Variants in OTOGL observed in about 807,000 individuals in gnomAD.
OTOGL encodes otogelin-like protein.
OTOGL carries 285 observed loss-of-function variants against 318.5 expected under a neutral mutation model. The observed-to-expected ratio is 0.89, with a 90% CI of 0.81 to 0.99. The LOEUF (loss-of-function observed/expected upper bound fraction) is 0.99. OTOGL is among the 50% of genes least tolerant of loss of function. The pLI is 0.00. For missense variants in OTOGL, 2,899 were observed against 2,845.6 expected, an observed-to-expected ratio of 1.02 and a Z score of -0.43; for synonymous variants, 987 against 936.5, an observed-to-expected ratio of 1.05 and a Z score of -0.99.
At chr12:80,374,268 C>G (rs1891058532) in intron 57 of OTOGL, among the ~76,000 whole-genome samples, 1 of 152,036 alleles carries the variant, frequency 6.6e-6, no homozygotes, top group South Asian at 2.1e-4. Context: ...CAGATTTCCA[C>G]TTTTTACATG....
chr12:80,283,735 C>T (rs1405569281), intron 26 of OTOGL, among the ~76,000 whole-genome samples: 1 of 152,024 alleles, frequency 6.6e-6, no homozygotes, highest in Non-Finnish European at 1.5e-5. Flanking sequence ...CATACACGAG[C>T]TTTCAATGTG....
chr12:80,310,214 T>C (rs760980782), intron 29 of OTOGL, among the ~76,000 whole-genome samples: 2 of 152,172 alleles, frequency 1.3e-5, no homozygotes, highest in East Asian at 3.9e-4. Context: ...AGAGGCCAAA[T>C]TGCTGCATGT....
At chr12:80,237,391 G>A (rs1879961252) in intron 9 of OTOGL, among the ~76,000 whole-genome samples, 4 of 152,162 alleles carry the variant, frequency 2.6e-5, no homozygotes, top group Admixed American at 2.6e-4. Context: ...GATGGAGCAA[G>A]TGTGTGATTG....
In OTOGL at chr12:80,378,073, A is replaced by G. The variant is rs371888130; in HGVS notation, c.*25A>G. On this transcript the variant is annotated 3_prime_UTR_variant, in exon 59 of 59. Coordinates refer to ENST00000547103, the MANE Select transcript of OTOGL (RefSeq NM_001378609.3). ...AACCCTTGGGTTCCAAGAGCTCTAT[A>G]CAACATCATAACGTCAGATAGAATT... 14 of 1,481,610 alleles carry G rather than the reference A, an allele frequency of 9.4e-6. No homozygotes were observed. The highest frequency in any genetic ancestry group is 6.2e-5 in the South Asian group (5 of 81,030). The allele number at this position is 1,481,610 out of a possible 1,614,324, so 91.8% of individuals were successfully genotyped here. A position where few individuals can be genotyped will look rare whatever the true frequency, so the allele number is the denominator to read the frequency against.
intron 52 of OTOGL, among the ~76,000 whole-genome samples, chr12:80,362,976 A>G (rs1890323768): frequency 6.6e-6 from 1 of 152,068 alleles, no homozygotes; most frequent in African/African-American, 2.4e-5. Context: ...TTTATTTTCT[A>G]GAGACAGAGT....
intron 1 of OTOGL, among the ~76,000 whole-genome samples, chr12:80,100,603 A>G (rs1337156252): frequency 6.6e-6 from 1 of 152,178 alleles, no homozygotes; most frequent in East Asian, 1.9e-4. Context: ...AAAGTATTAC[A>G]TGAATTCACT....
At chr12:80,240,848 A>G (rs755078200) in intron 11 of OTOGL, among the ~76,000 whole-genome samples, 11 of 152,132 alleles carry the variant, frequency 7.2e-5, no homozygotes, top group African/African-American at 2.4e-4. Flanking sequence ...CATGAATGGT[A>G]GTTCATTGTA....
chr12:80,114,231 G>C (rs1870021256), intron 1 of OTOGL, among the ~76,000 whole-genome samples: 1 of 152,116 alleles, frequency 6.6e-6, no homozygotes, highest in African/African-American at 2.4e-5. Context: ...ATTTTGGTTT[G>C]TTTTTGCAGT....
intron 1 of OTOGL, among the ~76,000 whole-genome samples, chr12:80,107,269 A>C (rs377019189): frequency 1.3e-5 from 2 of 152,344 alleles, no homozygotes; most frequent in East Asian, 1.9e-4. Flanking sequence ...GGCAAAGGAC[A>C]TAACGGACAT....
chr12:80,362,878 T>C (rs1267228389), intron 52 of OTOGL, among the ~76,000 whole-genome samples: 2 of 151,126 alleles, frequency 1.3e-5, no homozygotes, highest in Non-Finnish European at 2.9e-5. Context: ...ACCCTCTCTC[T>C]CACCTAGAGA....
At chr12:80,232,493 T>A (rs74570383) in intron 8 of OTOGL, among the ~76,000 whole-genome samples, 10,627 of 152,234 alleles carry the variant, frequency 0.07, 1,274 homozygotes, top group African/African-American at 0.24. Flanking sequence ...TTGAGCAGCA[T>A]TTTTAGATCA....
chr12:80,164,914 A>G (rs1244927280), intron 1 of OTOGL, among the ~76,000 whole-genome samples: 2 of 152,164 alleles, frequency 1.3e-5, no homozygotes, highest in African/African-American at 2.4e-5. Context: ...CTGATTGTGC[A>G]TTAATGTAGA....
intron 34 of OTOGL, among the ~76,000 whole-genome samples, chr12:80,321,069 C>T (rs1887302952): frequency 6.6e-6 from 1 of 152,026 alleles, no homozygotes. Context: ...TTTTTCTTTC[C>T]TAGAAGGCAA....
rs142738889 is a variant in OTOGL, at chr12:80,310,798, C to T, written c.3450+71C>T. On this transcript the variant is annotated intron_variant, in intron 30 of 58. Coordinates refer to ENST00000547103, the MANE Select transcript of OTOGL (RefSeq NM_001378609.3). ...TGTGTCTATAATACTGAGGTGAACACGACACGTAACTGGGTGATCCACTGG... is the reference window on the plus strand; with the variant it reads ...TGTGTCTATAATACTGAGGTGAACATGACACGTAACTGGGTGATCCACTGG... The T allele has an allele frequency of 1.3e-4, 159 of 1,190,238 alleles. No homozygotes were observed. The African/African-American group carries it at 1.6e-3, about 12-fold the overall frequency. 73.7% of individuals were successfully genotyped at this position (1,190,238 alleles called of 1,614,324 possible).
intron 1 of OTOGL, among the ~76,000 whole-genome samples, chr12:80,161,214 C>T (rs538498217): frequency 6.6e-6 from 1 of 151,328 alleles, no homozygotes; most frequent in Non-Finnish European, 1.5e-5. Context: ...GCCACTTGTT[C>T]CCCCAAAACC....
chr12:80,145,001 T>A (rs1267245468), intron 1 of OTOGL, among the ~76,000 whole-genome samples: 2 of 151,574 alleles, frequency 1.3e-5, no homozygotes, highest in Admixed American at 1.3e-4. Flanking sequence ...TCCCATGTTG[T>A]AGGTTGCCTG....
At chr12:80,356,373 TA>T (rs1889898437) in intron 47 of OTOGL, 42 bp from the exon 48 acceptor site, 1 of 1,473,336 alleles carries the variant, frequency 6.8e-7, no homozygotes, top group Non-Finnish European at 9.4e-7. Flanking sequence ...TGGCAGATTT[TA>T]GTTGTGTTCA....
At chr12:80,275,749 C>T (rs1883755267) in intron 24 of OTOGL, among the ~76,000 whole-genome samples, 1 of 151,798 alleles carries the variant, frequency 6.6e-6, no homozygotes, top group Non-Finnish European at 1.5e-5. Flanking sequence ...GCAACCACCA[C>T]CCTGATTAGT....
chr12:80,175,692 C>G (rs1472846625), intron 1 of OTOGL, among the ~76,000 whole-genome samples: 1 of 152,092 alleles, frequency 6.6e-6, no homozygotes, highest in African/African-American at 2.4e-5. Flanking sequence ...CTTGGCAACT[C>G]TATGCACTTC....
Sources: gnomAD v4.1 joint callset for allele counts (sites outside exome capture counted in the v4.1 genomes callset) on GRCh38, gnomAD v4.1.1 for gene constraint, MANE v1.5 for transcripts, NCBI Gene and HGNC (gene_info 2026-07-23, HGNC 2026-07-21) for gene names.